The following PABPC1L variants were observed in gnomAD, a reference collection of about 807,000 sequenced individuals.
The protein encoded by PABPC1L is poly(A) binding protein cytoplasmic 1 like.
A neutral mutation model predicts 66.6 loss-of-function variants in PABPC1L; 31 were observed. The ratio of observed to expected loss-of-function variants is 0.47; its 90% CI spans 0.35 to 0.63. The LOEUF (loss-of-function observed/expected upper bound fraction) is 0.63. PABPC1L is among the 20% of genes least tolerant of loss of function. The pLI is 0.00. For missense variants in PABPC1L, 722 were observed against 848.8 expected (o/e 0.85, Z 1.86); for synonymous variants, 348 against 335.1 (o/e 1.04, Z -0.42).
chr20:44,910,212 C>T lies in PABPC1L; in HGVS notation c.69C>T (p.Thr23=). The T allele has an allele frequency of 1.3e-6, 2 of 1,579,286 alleles. No individual in the cohort carries two copies. Among genetic ancestry groups the T allele is most frequent in the Middle Eastern group, 1.7e-4 (1 of 6,024 alleles). The change falls in exon 1 of 15, where the codon ACC becomes ACT. Residue 23 remains threonine (T), a synonymous_variant. Coordinates refer to ENST00000217073, the MANE Select transcript of PABPC1L (RefSeq NM_001372179.1). Reference sequence around the variant, plus strand: ...TGGGCGATCTGCACCCCGACGTGACCGAGGCCATGCTCTATGAGAAGTTCT... The same window carrying T: ...TGGGCGATCTGCACCCCGACGTGACTGAGGCCATGCTCTATGAGAAGTTCT... ...LYVGDLHPDV[T]EAMLYEKFSP...
chr20:44,912,225 C>G (rs888888376), intron 1 of PABPC1L, among the ~76,000 whole-genome samples: 3 of 152,182 alleles, frequency 2.0e-5, no homozygotes, highest in Non-Finnish European at 4.4e-5. Flanking sequence ...CAGCTCTGCC[C>G]TGCAGCACCT....
chr20:44,935,783 A>C (rs920578506), intron 11 of PABPC1L, among the ~76,000 whole-genome samples: 1 of 152,204 alleles, frequency 6.6e-6, no homozygotes, highest in African/African-American at 2.4e-5. Flanking sequence ...GAATATGCTG[A>C]TTATTGAAGG....
At chr20:44,913,067 C>G (rs2066715767) in intron 2 of PABPC1L, among the ~76,000 whole-genome samples, 1 of 152,214 alleles carries the variant, frequency 6.6e-6, no homozygotes, top group South Asian at 2.1e-4. Context: ...GCTGTGTAAC[C>G]ACCTTCAAAT....
Position 44,935,396 on chromosome 20 carries a change from A to G in PABPC1L, c.1465A>G (p.Ile489Val), listed in dbSNP as rs778076545. The stretch of plus-strand genomic sequence containing the variant: ...TGTTTTGTTTTGTTTTGCAGCCAAC[A>G]TTGGTACTCAGACCACAGGACCCAG... ...TVPHTQRVAN[I>V]GTQTTGPSGV... The change falls in exon 11 of 15, where the codon ATT becomes GTT. Residue 489 changes from isoleucine to valine, a missense_variant. Transcript: ENST00000217073. 3 of 1,613,856 alleles carry G rather than the reference A, an allele frequency of 1.9e-6. No individual in the cohort carries two copies. Among genetic ancestry groups the G allele is most frequent in the Admixed American group, 3.3e-5 (2 of 60,008 alleles).
In PABPC1L at chr20:44,919,010, A is replaced by G. The variant is rs945142458; in HGVS notation, c.608A>G (p.Asp203Gly). Residue 203 changes from aspartate (D) to glycine (G), a missense_variant, in exon 4 of 15, where the codon GAC becomes GGC. Physicochemically the swap from Asp to Gly is moderately conservative, Grantham distance 94 (BLOSUM62 -1). Coordinates refer to ENST00000217073, the MANE Select transcript of PABPC1L (RefSeq NM_001372179.1). The part of the protein sequence containing the change: ...IYVKNLPVDV[D>G]EQGLQDLFSQ... ...GTGAAGAACCTCCCGGTGGATGTGG[A>G]CGAGCAAGGCCTGCAGGACCTCTTC... The G allele has an allele frequency of 5.0e-6, 8 of 1,613,300 alleles. No homozygotes were observed. In the African/African-American group the frequency reaches 1.1e-4, roughly 22 times the overall value.
chr20:44,918,958 C>T lies in PABPC1L; in HGVS notation c.556C>T (p.Arg186Trp), dbSNP rs766423603. The T allele has an allele frequency of 6.8e-6, 11 of 1,612,420 alleles. No homozygotes were observed. In the East Asian group the frequency reaches 8.9e-5, roughly 13 times the overall value. Residue 186 changes from arginine to tryptophan, a missense_variant, in exon 4 of 15, where the codon CGG becomes TGG. Around this residue, in one of 3 missense-constraint regions of PABPC1L, gnomAD observed 284 missense variants for 294.8 expected, o/e 0.96. Coordinates refer to ENST00000217073, the MANE Select transcript of PABPC1L (RefSeq NM_001372179.1). ...RREREAELGARALEFTNIYVK... is the reference protein window; with the variant it reads ...RREREAELGAWALEFTNIYVK... The stretch of plus-strand genomic sequence containing the variant: ...GGAGCGGGAGGCGGAGCTGGGGGCG[C>T]GGGCCCTGGAGTTCACCAACATCTA...
At chr20:44,916,662 A>T in intron 2 of PABPC1L, 94 bp from the exon 3 acceptor site, 1 of 1,148,480 alleles carries the variant, frequency 8.7e-7, no homozygotes, top group South Asian at 1.3e-5. Flanking sequence ...CAGGCACAGC[A>T]GGCATGCAGA....
At position 44,920,247 on chromosome 20, in the gene PABPC1L, A is replaced by G. The variant is rs1208525078; in HGVS notation, c.738+970A>G. Among the ~76,000 whole-genome samples, 4 of 152,112 alleles carry G rather than the reference A, an allele frequency of 2.6e-5. No homozygotes were observed. The East Asian group carries it at 7.7e-4, about 29-fold the overall frequency. On this transcript the variant is annotated intron_variant, in intron 5 of 14. Coordinates refer to ENST00000217073, the MANE Select transcript of PABPC1L (RefSeq NM_001372179.1). ...AAATGCATAATGACATGTATCCACTATTATGGTATCATGCAGACTACTTTC... is the reference window on the plus strand; with the variant it reads ...AAATGCATAATGACATGTATCCACTGTTATGGTATCATGCAGACTACTTTC...
At chr20:44,915,216 G>A (rs2066730373) in intron 2 of PABPC1L, among the ~76,000 whole-genome samples, 2 of 152,200 alleles carry the variant, frequency 1.3e-5, no homozygotes, top group South Asian at 4.1e-4. Context: ...GAAGGGATGT[G>A]GTCAGAATTA....
Position 44,939,308 on chromosome 20 carries a change from C to A in PABPC1L, c.*189C>A. 1.5e-6 allele frequency: 1 copy of A among 687,804 alleles called. No individual in the cohort carries two copies. The highest frequency in any genetic ancestry group is 1.6e-5 in the South Asian group (1 of 64,278). The allele number at this position is 687,804 out of a possible 1,614,324, so 42.6% of individuals were successfully genotyped here. ...TTTGCTTTGTGTATTAAAAGTGCTGCAAAATCTGCCTTGCCTCCCAGGAGG... is the reference window on the plus strand; with the variant it reads ...TTTGCTTTGTGTATTAAAAGTGCTGAAAAATCTGCCTTGCCTCCCAGGAGG... On this transcript the variant is annotated 3_prime_UTR_variant, in exon 15 of 15. Coordinates refer to ENST00000217073, the MANE Select transcript of PABPC1L (RefSeq NM_001372179.1).
chr20:44,933,258 G>A, intron 10 of PABPC1L, 73 bp downstream of exon 10: 1 of 1,290,442 alleles, frequency 7.7e-7, no homozygotes, highest in Non-Finnish European at 1.1e-6. Context: ...CAGCCTCCAT[G>A]GTGACCTTGC....
chr20:44,930,749 C>T, intron 8 of PABPC1L, 23 bp downstream of exon 8: 1 of 1,605,734 alleles, frequency 6.2e-7, no homozygotes, highest in Non-Finnish European at 8.5e-7. Context: ...CCGCAACTCC[C>T]ACCGCAGCCT....
chr20:44,936,317 A>G (rs945933671), intron 11 of PABPC1L, among the ~76,000 whole-genome samples: 1 of 152,226 alleles, frequency 6.6e-6, no homozygotes, highest in African/African-American at 2.4e-5. Context: ...TGCCGGGGAC[A>G]TGTCCATAAA....
At chr20:44,918,839 G>T in intron 3 of PABPC1L, 67 bp from the exon 4 acceptor site, 1 of 1,517,136 alleles carries the variant, frequency 6.6e-7, no homozygotes, top group Non-Finnish European at 8.8e-7. Flanking sequence ...TTGAGCAGGA[G>T]TTGGCATGGG....
chr20:44,920,888 C>T (rs2066767950), intron 5 of PABPC1L, among the ~76,000 whole-genome samples: 1 of 151,928 alleles, frequency 6.6e-6, no homozygotes, highest in Non-Finnish European at 1.5e-5. Flanking sequence ...TCTCAGCTCA[C>T]TGCAACCTCC....
chr20:44,932,806 G>A (rs2066871374), intron 9 of PABPC1L: 2 of 546,246 alleles, frequency 3.7e-6, no homozygotes, highest in African/African-American at 1.9e-5. Context: ...GGACTAAGGT[G>A]TACAATCCTG....
chr20:44,936,858 C>A, intron 12 of PABPC1L, 128 bp downstream of exon 12: 1 of 973,220 alleles, frequency 1.0e-6, no homozygotes, highest in Non-Finnish European at 1.6e-6. Context: ...GACCCCCCTA[C>A]TGGGTGACCG....
Position 44,939,238 on chromosome 20 carries a change from C to T in PABPC1L, c.*119C>T. 2 of 717,564 alleles carry T rather than the reference C, an allele frequency of 2.8e-6. No individual in the cohort carries two copies. Among genetic ancestry groups the T allele is most frequent in the South Asian group, 3.0e-5 (2 of 67,590 alleles). 44.4% of individuals were successfully genotyped at this position (717,564 alleles called of 1,614,324 possible). On this transcript the variant is annotated 3_prime_UTR_variant, in exon 15 of 15. Coordinates refer to ENST00000217073, the MANE Select transcript of PABPC1L (RefSeq NM_001372179.1). ...CAATTAGTCTGTATCTATACTTGGGCTCTGTATGTGAATGAAGGTTGGTCA... is the reference window on the plus strand; with the variant it reads ...CAATTAGTCTGTATCTATACTTGGGTTCTGTATGTGAATGAAGGTTGGTCA...
At position 44,911,776 on chromosome 20, in the gene PABPC1L, G is replaced by T. The variant is rs2066707131; in HGVS notation, c.194-884G>T. ...AGCCCTGTGAATGAAGTGGGACTCGGCCTGGAAACCGTGCTGCAGAGAGAA... is the reference window on the plus strand; with the variant it reads ...AGCCCTGTGAATGAAGTGGGACTCGTCCTGGAAACCGTGCTGCAGAGAGAA... On this transcript the variant is annotated intron_variant, in intron 1 of 14. Coordinates refer to ENST00000217073, the MANE Select transcript of PABPC1L (RefSeq NM_001372179.1). 3.3e-5 allele frequency among the ~76,000 whole-genome samples: 5 copies of T among 152,314 alleles called. No homozygotes were observed. In the South Asian group the frequency reaches 1.0e-3, roughly 32 times the overall value.
Sources: allele counts gnomAD v4.1 joint callset (sites outside exome capture counted in the v4.1 genomes callset), GRCh38; gene constraint gnomAD v4.1.1; regional missense constraint gnomAD v4.1.1; transcripts MANE v1.5; gene names NCBI Gene and HGNC (gene_info 2026-07-23, HGNC 2026-07-21).